STK24: variants seen among roughly 807,000 people sequenced by gnomAD.
STK24 encodes serine/threonine-protein kinase 24.
In STK24, 21 loss-of-function variants were observed where a neutral mutation model predicts 55.6. The observed-to-expected ratio is 0.38, with a 90% CI of 0.27 to 0.54. STK24 has a LOEUF of 0.54. STK24 is among the 20% of genes least tolerant of loss of function. STK24 has a pLI of 0.79. For missense variants in STK24, 383 were observed against 538.4 expected (o/e 0.71, Z 2.86); for synonymous variants, 200 against 215.2 (o/e 0.93, Z 0.62).
chr13:98,474,084 C>T (rs9517322), intron 5 of STK24, among the ~76,000 whole-genome samples: 1 of 151,896 alleles, frequency 6.6e-6, no homozygotes, highest in African/African-American at 2.4e-5. Flanking sequence ...GCAGACTGTG[C>T]GAACTGAAGT....
chr13:98,485,603 G>A (rs956199294), intron 2 of STK24, among the ~76,000 whole-genome samples: 5 of 152,236 alleles, frequency 3.3e-5, no homozygotes, highest in African/African-American at 1.2e-4. Context: ...CCCCAGGCAA[G>A]AAGGAGGTCT....
chr13:98,461,413 TTATGA>T (rs546198851), intron 8 of STK24, among the ~76,000 whole-genome samples: 27 of 152,226 alleles, frequency 1.8e-4, no homozygotes, highest in Non-Finnish European at 3.4e-4. Flanking sequence ...AGTCACAAAA[TTATGA>T]TATGTATGTA....
At chr13:98,576,652 C>G (rs1417841802) in intron 1 of STK24, 93 bp downstream of exon 1, 1 of 1,155,772 alleles carries the variant, frequency 8.7e-7, no homozygotes, top group African/African-American at 1.6e-5. Flanking sequence ...CGACCCCGGC[C>G]GGCTGAGCGT....
intron 10 of STK24, chr13:98,456,514 C>T (rs1248350950): frequency 1.4e-5 from 7 of 516,900 alleles, no homozygotes; most frequent in Non-Finnish European, 2.4e-5. Flanking sequence ...AACGCCTGCA[C>T]TTGTGCCAGA....
rs1331866230 is a variant in STK24 at position 98,503,081 on chromosome 13, C to T, written c.273+16162G>A. On this transcript the variant is annotated intron_variant, in intron 2 of 10. Coordinates refer to ENST00000539966, the MANE Select transcript of STK24 (RefSeq NM_001032296.4). ...TGACCACCAACCAGTTAAATGTGCT[C>T]TAGGGGCTCCAGGCATAAACTCAAC... Among the ~76,000 whole-genome samples, 4 of 126,680 alleles carry T rather than the reference C, an allele frequency of 3.2e-5. No individual in the cohort carries two copies. The East Asian group carries it at 9.4e-4, about 30-fold the overall frequency. 83.1% of individuals were successfully genotyped at this position (126,680 alleles called of 152,430 possible). A position where few individuals can be genotyped will look rare whatever the true frequency, so the allele number is the denominator to read the frequency against.
At chr13:98,575,671 T>G (rs1192271247) in intron 1 of STK24, among the ~76,000 whole-genome samples, 1 of 152,206 alleles carries the variant, frequency 6.6e-6, no homozygotes, top group African/African-American at 2.4e-5. Flanking sequence ...TTGGTACCTG[T>G]AAATCAACCA....
chr13:98,474,297 G>C (rs9584856), intron 5 of STK24, among the ~76,000 whole-genome samples: 1 of 151,952 alleles, frequency 6.6e-6, no homozygotes, highest in East Asian at 1.9e-4. Flanking sequence ...AGAATCCTCA[G>C]AACTAAAAAT....
At chr13:98,475,770 G>A (rs752950966) in intron 3 of STK24, among the ~76,000 whole-genome samples, 31 of 152,194 alleles carry the variant, frequency 2.0e-4, no homozygotes, top group Admixed American at 2.0e-3. Flanking sequence ...CGGGGTACAG[G>A]CTGGGGATTT....
chr13:98,489,733 G>C (rs906971909), intron 2 of STK24, among the ~76,000 whole-genome samples: 3 of 152,198 alleles, frequency 2.0e-5, no homozygotes, highest in African/African-American at 7.2e-5. Context: ...AGGTGGAGAA[G>C]AGGAGGAAAA....
intron 1 of STK24, 25 bp downstream of exon 1, chr13:98,576,719 CG>C (rs770333867): frequency 1.4e-6 from 2 of 1,458,428 alleles, no homozygotes; most frequent in South Asian, 2.6e-5. Context: ...TCGCGCATCC[CG>C]GCCCCGCGGC....
At chr13:98,522,401 G>T (rs1420587798) in intron 1 of STK24, among the ~76,000 whole-genome samples, 1 of 152,132 alleles carries the variant, frequency 6.6e-6, no homozygotes, top group Non-Finnish European at 1.5e-5. Flanking sequence ...GAAATATATG[G>T]GAGTTCAGAA....
intron 2 of STK24, among the ~76,000 whole-genome samples, chr13:98,510,602 G>A (rs757747951): frequency 3.9e-5 from 6 of 152,198 alleles, no homozygotes; most frequent in Non-Finnish European, 8.8e-5. Flanking sequence ...AATAAAAAGA[G>A]CTATTGACAC....
chr13:98,484,907 C>T lies in STK24; in HGVS notation c.274-2586G>A, dbSNP rs559030875. The stretch of plus-strand genomic sequence containing the variant: ...TCCAACTCATTCCTGGTAGCAGACG[C>T]GCTGGGTGGCAAGGCTACCCAGACA... On this transcript the variant is annotated intron_variant, in intron 2 of 10. Transcript: ENST00000539966. Among the ~76,000 whole-genome samples the T allele has an allele frequency of 1.5e-3, 224 of 152,266 alleles. 1 individual carries two copies. Among genetic ancestry groups the T allele is most frequent in the African/African-American group, 5.0e-3 (208 of 41,530 alleles).
At chr13:98,501,662 A>C (rs572703702) in intron 2 of STK24, among the ~76,000 whole-genome samples, 1 of 152,270 alleles carries the variant, frequency 6.6e-6, no homozygotes, top group South Asian at 2.1e-4. Flanking sequence ...TACCCACAAA[A>C]ATTAAAAATA....
chr13:98,508,306 C>CTA (rs1242365612), intron 2 of STK24, among the ~76,000 whole-genome samples: 2 of 152,004 alleles, frequency 1.3e-5, no homozygotes, highest in African/African-American at 4.8e-5. Flanking sequence ...CAACAGAGGA[C>CTA]GCTTCAAAGT....
At chr13:98,494,541 T>C (rs1409761300) in intron 2 of STK24, among the ~76,000 whole-genome samples, 1 of 152,038 alleles carries the variant, frequency 6.6e-6, no homozygotes, top group Non-Finnish European at 1.5e-5. Flanking sequence ...TCCACTGCCA[T>C]GTATGGGGTT....
At chr13:98,511,142 G>A (rs927653712) in intron 2 of STK24, among the ~76,000 whole-genome samples, 1 of 152,114 alleles carries the variant, frequency 6.6e-6, no homozygotes, top group Non-Finnish European at 1.5e-5. Context: ...GGAATTACAG[G>A]GTGAGCCACT....
chr13:98,507,305 G>A (rs1895724395), intron 2 of STK24, among the ~76,000 whole-genome samples: 1 of 152,206 alleles, frequency 6.6e-6, no homozygotes, highest in South Asian at 2.1e-4. Flanking sequence ...GGAAACTCTG[G>A]CCCTAAATCC....
In STK24 at chr13:98,452,831, T is replaced by G. The variant is rs1405009786; in HGVS notation, c.*342A>C. 3 of 222,374 alleles carry G rather than the reference T, an allele frequency of 1.3e-5. No homozygotes were observed. The highest frequency in any genetic ancestry group is 2.3e-5 in the African/African-American group (1 of 43,774). The allele number at this position is 222,374 out of a possible 1,614,324, so 13.8% of individuals were successfully genotyped here. A position where few individuals can be genotyped will look rare whatever the true frequency, so the allele number is the denominator to read the frequency against. Reference sequence around the variant, plus strand: ...GATACCTGAGGTTTCATGTCTTTAGTTGCCTTATCATAATCCCAAATATAC... The same window carrying G: ...GATACCTGAGGTTTCATGTCTTTAGGTGCCTTATCATAATCCCAAATATAC... On this transcript the variant is annotated 3_prime_UTR_variant, in exon 11 of 11. Coordinates refer to ENST00000539966, the MANE Select transcript of STK24 (RefSeq NM_001032296.4).
Sources: allele counts gnomAD v4.1 joint callset (sites outside exome capture counted in the v4.1 genomes callset), GRCh38; gene constraint gnomAD v4.1.1; transcripts MANE v1.5; gene names NCBI Gene and HGNC (gene_info 2026-07-23, HGNC 2026-07-21).